Variants in HEXB observed in about 807,000 individuals in gnomAD.
HEXB encodes the protein beta-hexosaminidase subunit beta.
HEXB carries 51 observed loss-of-function variants against 71.2 expected under a neutral mutation model. The observed-to-expected ratio is 0.72, with a 90% confidence interval of 0.57 to 0.90. The LOEUF (loss-of-function observed/expected upper bound fraction) is 0.90. Among genes scored for constraint, HEXB ranks in the 40% least tolerant of loss-of-function variants. The pLI, the probability that HEXB is intolerant of heterozygous loss-of-function variation, is 0.00. For synonymous variants in HEXB, 266 were observed against 249.3 expected, an observed-to-expected ratio of 1.07 and a Z score of -0.63; for missense variants, 617 against 677.0, an observed-to-expected ratio of 0.91 and a Z score of 0.98.
intron 1 of HEXB, among the ~76,000 whole-genome samples, chr5:74,651,897 C>T (rs2112075588): frequency 6.6e-6 from 1 of 152,286 alleles, no homozygotes; most frequent in Non-Finnish European, 1.5e-5. Context: ...GAGCATATCT[C>T]CAGGTTCACA....
intron 5 of HEXB, among the ~76,000 whole-genome samples, chr5:74,699,420 G>A (rs540696309): frequency 4.0e-5 from 6 of 151,890 alleles, no homozygotes; most frequent in East Asian, 2.0e-4. Flanking sequence ...GATTACAGGT[G>A]CCCACCACCA....
intron 5 of HEXB, among the ~76,000 whole-genome samples, chr5:74,703,183 C>A (rs1749303241): frequency 1.3e-5 from 2 of 152,328 alleles, no homozygotes; most frequent in South Asian, 4.1e-4. Flanking sequence ...GAGCTCCTAG[C>A]CTCAGGTGGT....
intron 3 of HEXB, among the ~76,000 whole-genome samples, chr5:74,694,515 T>G (rs1580382176): frequency 6.6e-6 from 1 of 152,156 alleles, no homozygotes; most frequent in Non-Finnish European, 1.5e-5. Context: ...AATTTCAGAG[T>G]CTGAACTTCA....
At chr5:74,655,006 C>T (rs1484667032) in intron 1 of HEXB, among the ~76,000 whole-genome samples, 1 of 152,178 alleles carries the variant, frequency 6.6e-6, no homozygotes, top group Admixed American at 6.5e-5. Flanking sequence ...GACCTGCGGA[C>T]GGATCTGGAT....
chr5:74,646,588 G>A, intron 1 of HEXB, among the ~76,000 whole-genome samples: 1 of 143,992 alleles, frequency 6.9e-6, no homozygotes, highest in African/African-American at 2.6e-5. Flanking sequence ...TTTTTTTTGA[G>A]ACAGAGTCTC....
intron 1 of HEXB, among the ~76,000 whole-genome samples, chr5:74,649,890 T>C (rs1748071384): frequency 6.6e-6 from 1 of 152,244 alleles, no homozygotes; most frequent in African/African-American, 2.4e-5. Context: ...ACATAGTTCC[T>C]TAACTATGGA....
intron 1 of HEXB, among the ~76,000 whole-genome samples, chr5:74,644,021 C>T (rs566245466): frequency 6.6e-6 from 1 of 152,230 alleles, no homozygotes; most frequent in African/African-American, 2.4e-5. Context: ...GAGGGGCCAA[C>T]TGCCCACCAA....
rs148411667 is a variant in HEXB at position 74,705,656 on chromosome 5, C to A, written c.771+336C>A. On this transcript the variant is annotated intron_variant, in intron 6 of 13. Transcript: ENST00000261416. Reference sequence around the variant, plus strand: ...TGTCCAACAGTGTATTTGTTTTAAACATAATTGTTTGGAAATCCATAAATG... The same window carrying A: ...TGTCCAACAGTGTATTTGTTTTAAAAATAATTGTTTGGAAATCCATAAATG... 7.0e-3 allele frequency: 1,823 copies of A among 261,086 alleles called. 85 individuals carry two copies. The Admixed American group carries it at 0.083, about 12-fold the overall frequency. 16.2% of individuals were successfully genotyped at this position (261,086 alleles called of 1,614,324 possible). A position where few individuals can be genotyped will look rare whatever the true frequency, so the allele number is the denominator to read the frequency against.
In HEXB at chr5:74,720,461, G is replaced by A. The variant is rs1257033011; in HGVS notation, c.1451G>A (p.Gly484Glu). 1 of 1,613,546 alleles carries A rather than the reference G, an allele frequency of 6.2e-7. No individual in the cohort carries two copies. The highest frequency in any genetic ancestry group is 1.7e-5 in the Admixed American group (1 of 60,020). Residue 484 changes from glycine (G) to glutamate (E), a missense_variant, in exon 12 of 14, where the codon GGA (glycine) becomes GAA (glutamate). Transcript: ENST00000261416. The part of the protein sequence containing the change: ...TQKQKQLFIG[G>E]EACLWGEYVD... ...AAACAGAAACAACTTTTCATTGGTG[G>A]AGAAGCTTGTCTATGGGGAGAATAT... is the stretch of plus-strand genomic sequence containing the variant.
chr5:74,651,410 C>T (rs1748108061), intron 1 of HEXB, among the ~76,000 whole-genome samples: 1 of 152,162 alleles, frequency 6.6e-6, no homozygotes, highest in Non-Finnish European at 1.5e-5. Context: ...TAGTACCTCA[C>T]AAAGAAATAT....
chr5:74,681,247 A>G (rs1356315673), upstream of HEXB, among the ~76,000 whole-genome samples: 5 of 152,318 alleles, frequency 3.3e-5, no homozygotes, highest in Non-Finnish European at 5.9e-5. Flanking sequence ...GATATTTGGC[A>G]ATATCTGGAG....
intron 1 of HEXB, among the ~76,000 whole-genome samples, chr5:74,645,219 G>A (rs902870321): frequency 5.3e-5 from 8 of 151,954 alleles, no homozygotes; most frequent in African/African-American, 1.9e-4. Flanking sequence ...TTAGAGGTGA[G>A]CCCGTGCTAA....
chr5:74,684,496 T>G (rs186346850), upstream of HEXB, among the ~76,000 whole-genome samples: 290 of 152,262 alleles, frequency 1.9e-3, 1 homozygote, highest in African/African-American at 5.8e-3. Flanking sequence ...AACTCAGCTC[T>G]CATCTCGGTT....
In HEXB at chr5:74,718,314, T is replaced by C; in HGVS notation, c.1193T>C (p.Ile398Thr). 6.2e-7 allele frequency: 1 copy of C among 1,611,384 alleles called. No homozygotes were observed. The highest frequency in any genetic ancestry group is 1.1e-5 in the South Asian group (1 of 91,040). Residue 398 changes from isoleucine (I) to threonine (T), a missense_variant, in exon 10 of 14, where the codon ATA becomes ACA. Physicochemically the swap from Ile to Thr is moderately conservative, Grantham distance 89. Transcript: ENST00000261416. ...IQKVLDIIAT[I>T]NKGSIVWQEV... ...AGGGTTTTGGATATTATTGCAACCA[T>C]AAACAAGGGATCCATTGTCTGGCAG...
chr5:74,653,062 G>C (rs993441965), intron 1 of HEXB, among the ~76,000 whole-genome samples: 1 of 152,094 alleles, frequency 6.6e-6, no homozygotes, highest in Non-Finnish European at 1.5e-5. Context: ...AAAATTATAT[G>C]CACTCAAATA....
intron 1 of HEXB, among the ~76,000 whole-genome samples, chr5:74,676,643 G>C (rs1455153914): frequency 6.6e-6 from 1 of 152,064 alleles, no homozygotes; most frequent in African/African-American, 2.4e-5. Context: ...GCACATGCCT[G>C]TGATTCCAGC....
intron 1 of HEXB, among the ~76,000 whole-genome samples, chr5:74,642,841 CT>C (rs1406384112): frequency 2.6e-5 from 4 of 152,272 alleles, no homozygotes; most frequent in Admixed American, 6.5e-5. Context: ...AAGAAATCCG[CT>C]GGCCATTGTG....
chr5:74,690,009 AC>A (rs200925385), intron 2 of HEXB, among the ~76,000 whole-genome samples: 1 of 27,926 alleles, frequency 3.6e-5, no homozygotes, highest in African/African-American at 1.3e-4. Flanking sequence ...TAATTTCTTA[AC>A]TTTTTGTCTT....
Position 74,720,721 on chromosome 5 carries a change from G to T in HEXB, c.1587G>T (p.Leu529=). 1.2e-6 allele frequency: 2 copies of T among 1,613,954 alleles called. No homozygotes were observed. Among genetic ancestry groups the T allele is most frequent in the South Asian group, 1.1e-5 (1 of 91,080 alleles). ...VRDMDDAYDR[L]TRHRCRMVER... is the part of the protein sequence containing the mutation. Reference sequence around the variant, plus strand: ...ATATGGATGACGCCTATGACAGACTGACAAGGCACCGCTGCAGGATGGTCG... The same window carrying T: ...ATATGGATGACGCCTATGACAGACTTACAAGGCACCGCTGCAGGATGGTCG... The change falls in exon 13 of 14, where the codon CTG becomes CTT. Residue 529 remains leucine (L), a synonymous_variant. Coordinates refer to ENST00000261416, the MANE Select transcript of HEXB (RefSeq NM_000521.4).
Sources: gnomAD v4.1 joint callset for allele counts (sites outside exome capture counted in the v4.1 genomes callset) on GRCh38, gnomAD v4.1.1 for gene constraint, MANE v1.5 for transcripts, NCBI Gene and HGNC (gene_info 2026-07-23, HGNC 2026-07-21) for gene names.